The following CDH12 variants were observed in gnomAD, a reference collection of about 807,000 sequenced individuals.
CDH12 encodes cadherin 12.
Under a neutral mutation model 74.1 loss-of-function variants are expected in CDH12, and 41 were observed. The ratio of observed to expected loss-of-function variants is 0.55; its 90% CI spans 0.43 to 0.72. CDH12 has a LOEUF of 0.72. CDH12 is among the 30% of genes least tolerant of loss of function. CDH12 has a pLI of 0.00. For missense variants in CDH12, 945 were observed against 977.2 expected (o/e 0.97, Z 0.44); for synonymous variants, 399 against 355.0 (o/e 1.12, Z -1.39).
intron 6 of CDH12, among the ~76,000 whole-genome samples, chr5:21,966,079 T>C (rs918032281): frequency 3.3e-5 from 5 of 151,848 alleles, no homozygotes; most frequent in African/African-American, 1.2e-4. Context: ...GATTTCACGC[T>C]GATACATATG....
chr5:22,614,495 C>T (rs868055360), intron 1 of CDH12, among the ~76,000 whole-genome samples: 3 of 33,066 alleles, frequency 9.1e-5, no homozygotes, highest in Non-Finnish European at 1.8e-4. Context: ...TTGCAATGGT[C>T]GTAAGGTGCT....
intron 6 of CDH12, among the ~76,000 whole-genome samples, chr5:21,903,024 T>C (rs1048970518): frequency 4.6e-5 from 7 of 152,068 alleles, no homozygotes; most frequent in African/African-American, 1.7e-4. Flanking sequence ...TTCAAAATAA[T>C]AAATGGCCAA....
intron 1 of CDH12, among the ~76,000 whole-genome samples, chr5:22,602,602 C>T (rs1412256587): frequency 1.3e-5 from 2 of 151,996 alleles, no homozygotes; most frequent in African/African-American, 4.8e-5. Flanking sequence ...TGAGAGAATA[C>T]TGTAAATAAA....
intron 3 of CDH12, among the ~76,000 whole-genome samples, chr5:22,376,231 CAT>C (rs1455284042): frequency 1.3e-5 from 2 of 152,016 alleles, no homozygotes; most frequent in African/African-American, 4.8e-5. Context: ...TTGTCACTCA[CAT>C]GTGGGAGTCA....
chr5:22,238,058 A>G (rs1340509783), intron 3 of CDH12, among the ~76,000 whole-genome samples: 1 of 152,210 alleles, frequency 6.6e-6, no homozygotes, highest in African/African-American at 2.4e-5. Context: ...AAATTCAGGC[A>G]TGGAGCCAGC....
At chr5:21,867,990 CGTG>C (rs1751420588) in intron 6 of CDH12, among the ~76,000 whole-genome samples, 1 of 152,126 alleles carries the variant, frequency 6.6e-6, no homozygotes, top group Admixed American at 6.5e-5. Flanking sequence ...ATACTGTTCT[CGTG>C]GTAGTGAATA....
intron 8 of CDH12, among the ~76,000 whole-genome samples, chr5:21,834,208 G>A (rs376579720): frequency 5.3e-5 from 8 of 151,034 alleles, no homozygotes; most frequent in African/African-American, 2.0e-4. Flanking sequence ...TGTTTCCACC[G>A]AAGTGAGAGG....
At chr5:22,849,329 T>C (rs1737446474) in intron 1 of CDH12, among the ~76,000 whole-genome samples, 2 of 152,170 alleles carry the variant, frequency 1.3e-5, no homozygotes, top group Admixed American at 6.5e-5. Flanking sequence ...CATCATCATG[T>C]AGACGGTGCA....
chr5:22,326,310 C>CT (rs1358468413), intron 3 of CDH12, among the ~76,000 whole-genome samples: 1 of 152,010 alleles, frequency 6.6e-6, no homozygotes, highest in Non-Finnish European at 1.5e-5. Flanking sequence ...TCTCGGCTCA[C>CT]TGCAGGCTCC....
chr5:22,614,781 T>G (rs1044704664), intron 1 of CDH12, among the ~76,000 whole-genome samples: 1 of 152,118 alleles, frequency 6.6e-6, no homozygotes, highest in African/African-American at 2.4e-5. Flanking sequence ...GCCTAAAATC[T>G]TGGATAGCAC....
intron 1 of CDH12, among the ~76,000 whole-genome samples, chr5:22,827,379 T>C (rs1182893656): frequency 1.3e-5 from 2 of 152,190 alleles, no homozygotes; most frequent in Non-Finnish European, 2.9e-5. Context: ...ACTGAAATAA[T>C]ATATTGGTTA....
At chr5:21,765,454 C>T (rs961304079) in intron 11 of CDH12, among the ~76,000 whole-genome samples, 4 of 150,492 alleles carry the variant, frequency 2.7e-5, no homozygotes, top group African/African-American at 7.3e-5. Context: ...ATAATGAAAA[C>T]GTTATTGGTT....
At chr5:22,609,065 C>A (rs1737264180) in intron 1 of CDH12, among the ~76,000 whole-genome samples, 1 of 152,112 alleles carries the variant, frequency 6.6e-6, no homozygotes, top group South Asian at 2.1e-4. Flanking sequence ...TGTGTGCATG[C>A]ATGTGTTGAG....
intron 2 of CDH12, among the ~76,000 whole-genome samples, chr5:22,412,460 T>A (rs1260402219): frequency 6.6e-6 from 1 of 151,904 alleles, no homozygotes; most frequent in African/African-American, 2.4e-5. Context: ...ACAAAAATGG[T>A]GAATAAAAAC....
intron 11 of CDH12, among the ~76,000 whole-genome samples, chr5:21,773,345 C>T (rs1363338652): frequency 6.6e-6 from 1 of 152,136 alleles, no homozygotes; most frequent in Non-Finnish European, 1.5e-5. Flanking sequence ...GACCCACCCT[C>T]AATTCAGGTG....
chr5:21,757,372 C>T (rs762697033), intron 13 of CDH12, among the ~76,000 whole-genome samples: 9 of 152,086 alleles, frequency 5.9e-5, no homozygotes, highest in Non-Finnish European at 1.0e-4. Flanking sequence ...GATGGGGTTT[C>T]ACCATGTTGG....
intron 1 of CDH12, among the ~76,000 whole-genome samples, chr5:22,711,515 G>A (rs569333832): frequency 2.0e-4 from 30 of 152,154 alleles, no homozygotes; most frequent in South Asian, 1.2e-3. Flanking sequence ...AGCAATTATA[G>A]TTTTACTTGT....
Position 21,751,625 on chromosome 5 carries a change from TGTG to T in CDH12, c.*109_*111del. ...TTGTCCCAGAGTGTGTGTGTGTGTG[TGTG>T]TGTTTGTGTGTGTGTGTGTGTGTGA... On this transcript the variant is annotated 3_prime_UTR_variant, in exon 15 of 15. Coordinates refer to ENST00000382254, the MANE Select transcript of CDH12 (RefSeq NM_004061.5). 1.4e-6 allele frequency: 1 copy of T among 720,682 alleles called. No individual in the cohort carries two copies. Among genetic ancestry groups the T allele is most frequent in the Non-Finnish European group, 2.3e-6 (1 of 432,198 alleles). 44.6% of individuals were successfully genotyped at this position (720,682 alleles called of 1,614,324 possible).
intron 7 of CDH12, among the ~76,000 whole-genome samples, chr5:21,844,960 G>A (rs540866129): frequency 6.6e-6 from 1 of 151,946 alleles, no homozygotes; most frequent in East Asian, 1.9e-4. Flanking sequence ...TATCTTAATA[G>A]AAGTTAATTC....
Sources: allele counts gnomAD v4.1 joint callset (sites outside exome capture counted in the v4.1 genomes callset), GRCh38; gene constraint gnomAD v4.1.1; transcripts MANE v1.5; gene names NCBI Gene and HGNC (gene_info 2026-07-23, HGNC 2026-07-21).